PDSS2: variants seen among roughly 807,000 people sequenced by gnomAD.
PDSS2 encodes the protein all trans-polyprenyl-diphosphate synthase PDSS2.
A neutral mutation model predicts 44.5 loss-of-function variants in PDSS2; 31 were observed. The observed-to-expected ratio is 0.70, with a 90% CI of 0.52 to 0.94. The LOEUF (loss-of-function observed/expected upper bound fraction) is 0.94. Among genes scored for constraint, PDSS2 ranks in the 40% least tolerant of loss-of-function variants. The pLI, the probability that PDSS2 is intolerant of heterozygous loss-of-function variation, is 0.00. For missense variants in PDSS2, 452 were observed against 482.2 expected, an observed-to-expected ratio of 0.94 and a Z score of 0.59; for synonymous variants, 157 against 180.3, an observed-to-expected ratio of 0.87 and a Z score of 1.03.
intron 7 of PDSS2, among the ~76,000 whole-genome samples, chr6:107,160,180 C>T (rs2114271634): frequency 6.6e-6 from 1 of 152,214 alleles, no homozygotes; most frequent in Non-Finnish European, 1.5e-5. Flanking sequence ...CGCGCCATTG[C>T]AATCCAGCCT....
intron 1 of PDSS2, among the ~76,000 whole-genome samples, chr6:107,373,095 T>C (rs1436599114): frequency 6.6e-6 from 1 of 151,516 alleles, no homozygotes; most frequent in East Asian, 2.0e-4. Context: ...GTGATGCTCC[T>C]GCCTCAGCCT....
At chr6:107,290,301 C>T (rs1447125396) in intron 2 of PDSS2, among the ~76,000 whole-genome samples, 1 of 152,162 alleles carries the variant, frequency 6.6e-6, no homozygotes, top group Non-Finnish European at 1.5e-5. Flanking sequence ...GGAAGAACTG[C>T]AGTATTGCTG....
At chr6:107,439,830 G>C (rs776246031) in intron 1 of PDSS2, among the ~76,000 whole-genome samples, 41 of 152,136 alleles carry the variant, frequency 2.7e-4, no homozygotes, top group Non-Finnish European at 7.4e-5. Flanking sequence ...AAGGTAGTTT[G>C]GGAAAGGAAT....
At chr6:107,161,206 C>T (rs961080448) in intron 7 of PDSS2, among the ~76,000 whole-genome samples, 6 of 149,978 alleles carry the variant, frequency 4.0e-5, no homozygotes, top group African/African-American at 1.2e-4. Context: ...TTTGGCCGGG[C>T]GCGGTGGCTC....
chr6:107,361,681 T>G (rs1778777308), intron 1 of PDSS2, among the ~76,000 whole-genome samples: 1 of 152,180 alleles, frequency 6.6e-6, no homozygotes, highest in Admixed American at 6.5e-5. Flanking sequence ...TGCTTTAAAA[T>G]GTACAGATAG....
chr6:107,360,779 C>A (rs1377227100), intron 1 of PDSS2, among the ~76,000 whole-genome samples: 1 of 152,180 alleles, frequency 6.6e-6, no homozygotes, highest in East Asian at 1.9e-4. Context: ...CTGAAAAGTT[C>A]TGTTATTACT....
chr6:107,350,999 G>A (rs935487199), intron 1 of PDSS2, among the ~76,000 whole-genome samples: 1 of 151,998 alleles, frequency 6.6e-6, no homozygotes, highest in Admixed American at 6.6e-5. Flanking sequence ...ATTAAGCAAA[G>A]GGGGAGAAAC....
intron 1 of PDSS2, among the ~76,000 whole-genome samples, chr6:107,371,527 A>T (rs902210313): frequency 5.9e-5 from 9 of 152,198 alleles, no homozygotes; most frequent in Non-Finnish European, 1.0e-4. Context: ...TTCCCTTACA[A>T]TCTACTAAAC....
chr6:107,218,596 T>C (rs1773494954), intron 4 of PDSS2, among the ~76,000 whole-genome samples: 2 of 152,226 alleles, frequency 1.3e-5, no homozygotes, highest in African/African-American at 2.4e-5. Context: ...ATAAGTTCCA[T>C]GAAAGCAAGG....
intron 1 of PDSS2, among the ~76,000 whole-genome samples, chr6:107,438,336 G>T (rs562382783): frequency 6.6e-6 from 1 of 152,182 alleles, no homozygotes; most frequent in East Asian, 1.9e-4. Flanking sequence ...AGCCTCCCAA[G>T]TAGCTGGAAT....
At chr6:107,430,431 T>G (rs924309921) in intron 1 of PDSS2, among the ~76,000 whole-genome samples, 2 of 151,362 alleles carry the variant, frequency 1.3e-5, no homozygotes, top group African/African-American at 2.4e-5. Flanking sequence ...ACCCGGGAGG[T>G]AGAGGTTGCA....
intron 7 of PDSS2, among the ~76,000 whole-genome samples, chr6:107,181,887 C>T: frequency 9.9e-6 from 1 of 100,850 alleles, no homozygotes; most frequent in African/African-American, 4.4e-5. Context: ...AAGACTCTGT[C>T]TCAAAAAAAA....
At chr6:107,322,170 A>G (rs1777400688) in intron 2 of PDSS2, among the ~76,000 whole-genome samples, 1 of 152,218 alleles carries the variant, frequency 6.6e-6, no homozygotes, top group Non-Finnish European at 1.5e-5. Context: ...AGGAATTTGT[A>G]TCTAATCCTG....
intron 4 of PDSS2, among the ~76,000 whole-genome samples, chr6:107,223,247 T>C (rs901161034): frequency 1.3e-5 from 2 of 150,844 alleles, no homozygotes; most frequent in East Asian, 4.0e-4. Flanking sequence ...TTTAAAAAAT[T>C]GGCCAGGCAT....
intron 7 of PDSS2, among the ~76,000 whole-genome samples, chr6:107,189,475 T>C (rs995100239): frequency 2.2e-4 from 34 of 152,110 alleles, no homozygotes; most frequent in African/African-American, 8.0e-4. Context: ...GTAGCTAGGA[T>C]TACAGGCACG....
chr6:107,250,267 A>C (rs1774771831), intron 3 of PDSS2, among the ~76,000 whole-genome samples: 1 of 152,104 alleles, frequency 6.6e-6, no homozygotes, highest in South Asian at 2.1e-4. Context: ...ACAAAATAGA[A>C]GTAGTATGAA....
intron 3 of PDSS2, among the ~76,000 whole-genome samples, chr6:107,248,808 T>C (rs1158678357): frequency 6.6e-6 from 1 of 152,254 alleles, no homozygotes; most frequent in Non-Finnish European, 1.5e-5. Flanking sequence ...ACATCTTTGC[T>C]CATGTAATTC....
chr6:107,359,413 A>G lies in PDSS2; in HGVS notation c.297-25081T>C, dbSNP rs537819069. 3.0e-3 allele frequency among the ~76,000 whole-genome samples: 462 copies of G among 151,912 alleles called. 1 individual carries two copies. Among genetic ancestry groups the G allele is most frequent in the Middle Eastern group, 0.01 (3 of 294 alleles). On this transcript the variant is annotated intron_variant, in intron 1 of 7. Transcript: ENST00000369037. ...TGAGGCGGGTGGATCACTTGAGGCC[A>G]GGAGTTCGAGACCAGCCTTGCCAAC...
intron 4 of PDSS2, among the ~76,000 whole-genome samples, chr6:107,221,577 C>A (rs1280224147): frequency 6.6e-6 from 1 of 151,778 alleles, no homozygotes; most frequent in African/African-American, 2.4e-5. Context: ...GTCACATGAC[C>A]TTTTTGCTGA....
Sources: gnomAD v4.1 joint callset for allele counts (sites outside exome capture counted in the v4.1 genomes callset) on GRCh38, gnomAD v4.1.1 for gene constraint, MANE v1.5 for transcripts, NCBI Gene and HGNC (gene_info 2026-07-23, HGNC 2026-07-21) for gene names.